Variants in MAML3 observed in about 807,000 individuals in gnomAD.
MAML3 encodes mastermind-like protein 3.
Under a neutral mutation model 101.9 loss-of-function variants are expected in MAML3, and 27 were observed. The observed-to-expected ratio is 0.27, with a 90% CI of 0.20 to 0.37. The LOEUF (loss-of-function observed/expected upper bound fraction) is 0.37, where lower values mean the gene tolerates loss of function less well. Among genes scored for constraint, MAML3 ranks in the 10% least tolerant of loss-of-function variants. The pLI, the probability that MAML3 is intolerant of heterozygous loss-of-function variation, is 1.00. For missense variants in MAML3, 1,316 were observed against 1,444.9 expected, an observed-to-expected ratio of 0.91 and a Z score of 1.45; for synonymous variants, 501 against 555.9, an observed-to-expected ratio of 0.90 and a Z score of 1.39.
chr4:140,097,331 T>A (rs1728180625), intron 1 of MAML3, among the ~76,000 whole-genome samples: 1 of 152,148 alleles, frequency 6.6e-6, no homozygotes, highest in South Asian at 2.1e-4. Flanking sequence ...CCTCTCTCCC[T>A]CCACCTTTCA....
intron 1 of MAML3, among the ~76,000 whole-genome samples, chr4:139,951,865 C>CT (rs929707137): frequency 6.6e-6 from 1 of 151,748 alleles, no homozygotes; most frequent in African/African-American, 2.4e-5. Flanking sequence ...TAAATTAAAG[C>CT]TTACGAAGGG....
At chr4:139,941,671 T>C (rs1184025116) in intron 1 of MAML3, among the ~76,000 whole-genome samples, 4 of 152,142 alleles carry the variant, frequency 2.6e-5, no homozygotes, top group Non-Finnish European at 4.4e-5. Context: ...TGTGCAAGCA[T>C]ATGTTGAGTA....
chr4:139,893,874 G>A (rs1267762414), intron 1 of MAML3, among the ~76,000 whole-genome samples: 1 of 152,170 alleles, frequency 6.6e-6, no homozygotes, highest in African/African-American at 2.4e-5. Context: ...TAGCTACTGG[G>A]GAGATGCTTG....
chr4:139,914,647 G>T (rs759336897), intron 1 of MAML3, among the ~76,000 whole-genome samples: 1 of 152,112 alleles, frequency 6.6e-6, no homozygotes, highest in South Asian at 2.1e-4. Context: ...TACCAAACCC[G>T]ACCACAACAA....
At chr4:140,037,160 C>T (rs1168957178) in intron 1 of MAML3, among the ~76,000 whole-genome samples, 2 of 150,542 alleles carry the variant, frequency 1.3e-5, no homozygotes, top group Non-Finnish European at 3.0e-5. Flanking sequence ...ACTAAGAACC[C>T]TGATGTTTTT....
At chr4:139,803,519 A>T (rs1730647018) in intron 2 of MAML3, among the ~76,000 whole-genome samples, 1 of 152,168 alleles carries the variant, frequency 6.6e-6, no homozygotes, top group East Asian at 1.9e-4. Context: ...TAAGTTAATA[A>T]CCATGTTTGC....
chr4:139,832,342 C>T (rs1731183058), intron 2 of MAML3, among the ~76,000 whole-genome samples: 1 of 149,638 alleles, frequency 6.7e-6, no homozygotes, highest in African/African-American at 2.5e-5. Flanking sequence ...GAAGTCCTGA[C>T]CTCAGGTGAT....
At chr4:139,971,132 C>T (rs1318562400) in intron 1 of MAML3, among the ~76,000 whole-genome samples, 1 of 152,178 alleles carries the variant, frequency 6.6e-6, no homozygotes, top group Admixed American at 6.5e-5. Flanking sequence ...GAACCACCAG[C>T]TTCCAACCTC....
intron 2 of MAML3, among the ~76,000 whole-genome samples, chr4:139,783,134 GA>G (rs2111081923): frequency 6.6e-6 from 1 of 152,278 alleles, no homozygotes; most frequent in Admixed American, 6.5e-5. Flanking sequence ...GGGCCTTAAA[GA>G]AAACACGGTT....
intron 2 of MAML3, among the ~76,000 whole-genome samples, chr4:139,879,351 C>T (rs1732174075): frequency 1.3e-5 from 2 of 151,428 alleles, no homozygotes; most frequent in African/African-American, 4.9e-5. Flanking sequence ...CATGGTGAAA[C>T]CCCATGTCTA....
At chr4:139,944,558 T>C (rs554538995) in intron 1 of MAML3, among the ~76,000 whole-genome samples, 1 of 152,302 alleles carries the variant, frequency 6.6e-6, no homozygotes, top group South Asian at 2.1e-4. Context: ...ATGTGCCACA[T>C]TTTCTTAATC....
At chr4:140,122,148 G>A (rs1056893088) in intron 1 of MAML3, among the ~76,000 whole-genome samples, 8 of 101,260 alleles carry the variant, frequency 7.9e-5, no homozygotes, top group Non-Finnish European at 1.6e-4. Context: ...AATTTTGAGT[G>A]ATTTTTTTTG....
chr4:139,977,461 A>G (rs1343834474), intron 1 of MAML3, among the ~76,000 whole-genome samples: 1 of 152,230 alleles, frequency 6.6e-6, no homozygotes, highest in East Asian at 1.9e-4. Flanking sequence ...GGAGTGGAAG[A>G]GTGGAGCTCT....
chr4:140,015,818 T>C (rs1044452162), intron 1 of MAML3, among the ~76,000 whole-genome samples: 8 of 152,098 alleles, frequency 5.3e-5, no homozygotes, highest in African/African-American at 1.9e-4. Flanking sequence ...CCACATGTGG[T>C]GGCACACGCT....
chr4:140,053,885 C>T (rs1431225710), intron 1 of MAML3, among the ~76,000 whole-genome samples: 1 of 152,174 alleles, frequency 6.6e-6, no homozygotes. Context: ...TCACTCTTAG[C>T]ACATGGGCCA....
intron 1 of MAML3, among the ~76,000 whole-genome samples, chr4:140,014,673 T>C (rs1352627383): frequency 6.6e-6 from 1 of 152,230 alleles, no homozygotes; most frequent in African/African-American, 2.4e-5. Flanking sequence ...AGAGTAAATC[T>C]GTGTGAATTA....
chr4:139,797,733 A>C (rs1221332159), intron 2 of MAML3, among the ~76,000 whole-genome samples: 1 of 152,154 alleles, frequency 6.6e-6, no homozygotes, highest in Non-Finnish European at 1.5e-5. Flanking sequence ...AATAAACAAA[A>C]TAAATATGTC....
At chr4:140,146,959 C>A (rs1029409910) in intron 1 of MAML3, among the ~76,000 whole-genome samples, 1 of 151,702 alleles carries the variant, frequency 6.6e-6, no homozygotes. Context: ...CATGGTGAAA[C>A]CTGTCTCTAC....
At chr4:139,965,636 A>G (rs1734116025) in intron 1 of MAML3, among the ~76,000 whole-genome samples, 1 of 152,250 alleles carries the variant, frequency 6.6e-6, no homozygotes, top group Admixed American at 6.5e-5. Flanking sequence ...CACTTAACAT[A>G]TATAACTGTT....
Sources: allele counts gnomAD v4.1 joint callset (sites outside exome capture counted in the v4.1 genomes callset), GRCh38; gene constraint gnomAD v4.1.1; transcripts MANE v1.5; gene names NCBI Gene and HGNC (gene_info 2026-07-23, HGNC 2026-07-21).